ATRNL1: variants seen among roughly 807,000 people sequenced by gnomAD.
ATRNL1 encodes the protein attractin-like protein 1.
ATRNL1 carries 95 observed loss-of-function variants against 182.7 expected under a neutral mutation model. The ratio of observed to expected loss-of-function variants is 0.52; its 90% CI spans 0.44 to 0.62. The LOEUF is 0.62. Ranked by LOEUF, ATRNL1 falls within the 20% of genes least tolerant of loss-of-function variation. The pLI is 0.00. For missense variants in ATRNL1, 1,471 were observed against 1,679.5 expected (o/e 0.88, Z 2.17); for synonymous variants, 576 against 568.3 (o/e 1.01, Z -0.19).
intron 5 of ATRNL1, among the ~76,000 whole-genome samples, chr10:115,149,631 A>G (rs1177487463): frequency 2.0e-5 from 3 of 152,122 alleles, no homozygotes; most frequent in Non-Finnish European, 4.4e-5. Context: ...CTGATATGAT[A>G]GATCACATTT....
At position 115,796,101 on chromosome 10, in the gene ATRNL1, T is replaced by A. The variant is rs553420315; in HGVS notation, c.3904-51776T>A. On this transcript the variant is annotated intron_variant, in intron 27 of 28. Coordinates refer to ENST00000355044, the MANE Select transcript of ATRNL1 (RefSeq NM_207303.4). ...CATCTCACCTCACTCAGGCTTTGGA[T>A]CCCCACATGGGCCACAACATGCTGC... 2.6e-5 allele frequency among the ~76,000 whole-genome samples: 4 copies of A among 151,378 alleles called. No homozygotes were observed. In the South Asian group the frequency reaches 8.4e-4, roughly 32 times the overall value.
rs900610830 is a variant in ATRNL1, at chr10:115,206,068, C to T, written c.1349-9629C>T. ...AGAACGTCTTTATTTCACACTTATCCGTGTAGGATATTTCTGTTGCATATA... is the reference window on the plus strand; with the variant it reads ...AGAACGTCTTTATTTCACACTTATCTGTGTAGGATATTTCTGTTGCATATA... On this transcript the variant is annotated intron_variant, in intron 8 of 28. Transcript: ENST00000355044. Among the ~76,000 whole-genome samples the T allele has an allele frequency of 1.3e-4, 20 of 151,954 alleles. No homozygotes were observed. The East Asian group carries it at 2.5e-3, about 19-fold the overall frequency.
intron 21 of ATRNL1, among the ~76,000 whole-genome samples, chr10:115,433,932 A>G (rs1846283709): frequency 1.3e-5 from 2 of 152,146 alleles, no homozygotes; most frequent in African/African-American, 4.8e-5. Context: ...GTTGTGTAGT[A>G]TGTATCCTTT....
intron 6 of ATRNL1, among the ~76,000 whole-genome samples, chr10:115,161,050 A>G (rs944697441): frequency 2.6e-5 from 4 of 151,888 alleles, no homozygotes; most frequent in African/African-American, 7.2e-5. Flanking sequence ...CTGTATATAT[A>G]TATATTTTTT....
intron 28 of ATRNL1, among the ~76,000 whole-genome samples, chr10:115,895,899 G>A (rs1555112421): frequency 6.6e-6 from 1 of 152,160 alleles, no homozygotes; most frequent in African/African-American, 2.4e-5. Flanking sequence ...CAAGATATTA[G>A]CAGACAGGGG....
intron 26 of ATRNL1, among the ~76,000 whole-genome samples, chr10:115,679,539 G>T (rs1684002718): frequency 6.6e-6 from 1 of 151,960 alleles, no homozygotes; most frequent in African/African-American, 2.4e-5. Context: ...GGGACTATCT[G>T]ACTTCTGCAG....
At chr10:115,323,128 A>G (rs1854669954) in intron 18 of ATRNL1, among the ~76,000 whole-genome samples, 1 of 152,012 alleles carries the variant, frequency 6.6e-6, no homozygotes, top group Non-Finnish European at 1.5e-5. Flanking sequence ...ATGTGATGGT[A>G]AAATTAATGA....
chr10:115,703,205 A>G (rs1255769320), intron 26 of ATRNL1, among the ~76,000 whole-genome samples: 1 of 152,042 alleles, frequency 6.6e-6, no homozygotes, highest in African/African-American at 2.4e-5. Flanking sequence ...CTGGCTAACC[A>G]TATGCAGAAG....
intron 21 of ATRNL1, among the ~76,000 whole-genome samples, chr10:115,448,918 A>G (rs1262569410): frequency 6.6e-6 from 1 of 152,134 alleles, no homozygotes; most frequent in Admixed American, 6.5e-5. Context: ...GAATTCACAG[A>G]TGAATTCAAC....
intron 8 of ATRNL1, among the ~76,000 whole-genome samples, chr10:115,171,617 TC>T (rs1847298165): frequency 1.3e-5 from 2 of 152,024 alleles, no homozygotes; most frequent in Admixed American, 6.6e-5. Flanking sequence ...ACTGAAACTA[TC>T]CCAGTCTCTT....
At chr10:115,491,689 C>T (rs1048851008) in intron 24 of ATRNL1, among the ~76,000 whole-genome samples, 2 of 152,154 alleles carry the variant, frequency 1.3e-5, no homozygotes, top group African/African-American at 2.4e-5. Context: ...GGGGTCTGTC[C>T]GGGTAGGACC....
At chr10:115,465,952 T>G (rs782740763) in intron 22 of ATRNL1, among the ~76,000 whole-genome samples, 1 of 151,592 alleles carries the variant, frequency 6.6e-6, no homozygotes, top group Admixed American at 6.6e-5. Context: ...GAGAATAAGC[T>G]GTTCTTCCAT....
intron 26 of ATRNL1, among the ~76,000 whole-genome samples, chr10:115,617,774 G>C (rs1431965981): frequency 1.3e-5 from 2 of 152,218 alleles, no homozygotes; most frequent in Non-Finnish European, 2.9e-5. Context: ...CATGGAGATT[G>C]TTGGGAAGGC....
At chr10:115,769,618 A>C (rs781914960) in intron 27 of ATRNL1, among the ~76,000 whole-genome samples, 20 of 152,054 alleles carry the variant, frequency 1.3e-4, no homozygotes, top group Admixed American at 6.6e-4. Flanking sequence ...TGGAGAGAGG[A>C]TATCACTGAC....
At chr10:115,174,938 G>A (rs1847440299) in intron 8 of ATRNL1, among the ~76,000 whole-genome samples, 1 of 150,796 alleles carries the variant, frequency 6.6e-6, no homozygotes, top group South Asian at 2.1e-4. Flanking sequence ...AAAGTTCCCA[G>A]GGGGAATAGT....
chr10:115,804,215 G>A (rs1475055886), intron 27 of ATRNL1, among the ~76,000 whole-genome samples: 1 of 152,120 alleles, frequency 6.6e-6, no homozygotes, highest in Non-Finnish European at 1.5e-5. Context: ...CTACTTTGAT[G>A]CATTGCCTTT....
At chr10:115,286,437 G>T in intron 15 of ATRNL1, 40 bp downstream of exon 15, 1 of 1,259,804 alleles carries the variant, frequency 7.9e-7, no homozygotes, top group Non-Finnish European at 1.1e-6. Flanking sequence ...AATATGCTAT[G>T]ATAATTTCAT....
chr10:115,180,449 T>C (rs1176538949), intron 8 of ATRNL1, among the ~76,000 whole-genome samples: 1 of 152,040 alleles, frequency 6.6e-6, no homozygotes, highest in Non-Finnish European at 1.5e-5. Flanking sequence ...GTTGTATAAC[T>C]CTACCACAAT....
At chr10:115,853,362 C>T (rs1565437108) in intron 28 of ATRNL1, among the ~76,000 whole-genome samples, 1 of 152,154 alleles carries the variant, frequency 6.6e-6, no homozygotes, top group African/African-American at 2.4e-5. Context: ...TATAGTGCCC[C>T]TATTTTAGAA....
Sources: gnomAD v4.1 joint callset for allele counts (sites outside exome capture counted in the v4.1 genomes callset) on GRCh38, gnomAD v4.1.1 for gene constraint, MANE v1.5 for transcripts, NCBI Gene and HGNC (gene_info 2026-07-23, HGNC 2026-07-21) for gene names.